The following ELAVL4 variants were observed in gnomAD, a reference collection of about 807,000 sequenced individuals.
The protein encoded by ELAVL4 is ELAV like RNA binding protein 4.
In ELAVL4, 1 loss-of-function variant was observed where a neutral mutation model predicts 35.6. That is an observed-to-expected ratio of 0.03 (90% confidence interval 0.01 to 0.13). ELAVL4 has a LOEUF of 0.13. Among genes scored for constraint, ELAVL4 ranks in the 10% least tolerant of loss-of-function variants. The pLI, the probability that ELAVL4 is intolerant of heterozygous loss-of-function variation, is 1.00. For missense variants in ELAVL4, 267 were observed against 464.9 expected, an observed-to-expected ratio of 0.57 and a Z score of 3.91; for synonymous variants, 156 against 171.0, an observed-to-expected ratio of 0.91 and a Z score of 0.69.
chr1:50,176,836 G>T (rs1484625871), intron 2 of ELAVL4, among the ~76,000 whole-genome samples: 1 of 152,206 alleles, frequency 6.6e-6, no homozygotes, highest in Non-Finnish European at 1.5e-5. Context: ...CTGTGCAGGG[G>T]CACTTACCCA....
chr1:50,151,482 C>T (rs184841333), intron 2 of ELAVL4, among the ~76,000 whole-genome samples: 94 of 152,176 alleles, frequency 6.2e-4, no homozygotes, highest in Non-Finnish European at 1.2e-3. Context: ...CTTTATTGTG[C>T]AGGCACTGTA....
At chr1:50,190,661 A>G (rs1426022249) in intron 3 of ELAVL4, among the ~76,000 whole-genome samples, 1 of 152,156 alleles carries the variant, frequency 6.6e-6, no homozygotes, top group Admixed American at 6.5e-5. Context: ...CCTAGCTGAG[A>G]TTCTACCTAT....
At chr1:50,105,277 GAA>G (rs951394458), upstream of ELAVL4, among the ~76,000 whole-genome samples, 12 of 152,132 alleles carry the variant, frequency 7.9e-5, no homozygotes, top group Admixed American at 6.5e-4. Context: ...TTGCTAAAGA[GAA>G]ATATTTTCAT....
chr1:50,098,950 C>T (rs1399615457), upstream of ELAVL4, among the ~76,000 whole-genome samples: 3 of 152,178 alleles, frequency 2.0e-5, no homozygotes, highest in African/African-American at 7.2e-5. Context: ...TGCCTGACCA[C>T]TGAAAGAAAA....
chr1:50,072,151 T>C (rs1466721030), intron 1 of ELAVL4, among the ~76,000 whole-genome samples: 1 of 152,168 alleles, frequency 6.6e-6, no homozygotes, highest in Non-Finnish European at 1.5e-5. Flanking sequence ...GTGCAGTGAG[T>C]AAGAATCTAG....
intron 1 of ELAVL4, among the ~76,000 whole-genome samples, chr1:50,127,213 C>T (rs770469763): frequency 4.6e-5 from 7 of 152,094 alleles, no homozygotes; most frequent in Non-Finnish European, 8.8e-5. Flanking sequence ...GATAGCTGAT[C>T]CATTCAGTGG....
At chr1:50,093,996 G>C (rs1665607856) in intron 1 of ELAVL4, among the ~76,000 whole-genome samples, 1 of 152,168 alleles carries the variant, frequency 6.6e-6, no homozygotes, top group Admixed American at 6.5e-5. Context: ...AACTAAGTGA[G>C]TAAATACATA....
At chr1:50,076,044 G>T (rs768563904) in intron 1 of ELAVL4, among the ~76,000 whole-genome samples, 6 of 152,124 alleles carry the variant, frequency 3.9e-5, no homozygotes, top group Non-Finnish European at 8.8e-5. Context: ...GGCCAGGCTG[G>T]CCTCAAACTC....
intron 1 of ELAVL4, among the ~76,000 whole-genome samples, chr1:50,091,420 T>C (rs778821037): frequency 2.6e-5 from 4 of 152,178 alleles, no homozygotes; most frequent in African/African-American, 7.2e-5. Context: ...ACAAGGCAGA[T>C]GTGGTAGGGA....
rs903557563 is a variant in ELAVL4 at position 50,108,991 on chromosome 1, C to A, written c.-199C>A. On this transcript the variant is annotated 5_prime_UTR_variant, in exon 1 of 7. Transcript: ENST00000371824. The stretch of plus-strand genomic sequence containing the variant: ...TAGAATCGGGGGTTTCAGCTCACTG[C>A]TCCTTTTCTTTTTTTTCTTTCTCTC... 7.6e-5 allele frequency: 96 copies of A among 1,259,078 alleles called. No individual in the cohort carries two copies. The highest frequency in any genetic ancestry group is 9.4e-5 in the Non-Finnish European group (94 of 1,002,246). 78.0% of individuals were successfully genotyped at this position (1,259,078 alleles called of 1,614,324 possible).
At chr1:50,154,941 T>C (rs1269802409) in intron 2 of ELAVL4, among the ~76,000 whole-genome samples, 1 of 152,102 alleles carries the variant, frequency 6.6e-6, no homozygotes, top group Non-Finnish European at 1.5e-5. Flanking sequence ...GGATATAGAA[T>C]GGTAAAAGGA....
intron 1 of ELAVL4, among the ~76,000 whole-genome samples, chr1:50,123,610 G>A (rs928957358): frequency 6.6e-6 from 1 of 151,990 alleles, no homozygotes; most frequent in Non-Finnish European, 1.5e-5. Flanking sequence ...TTCATCTGTG[G>A]CTCAGGACCA....
At chr1:50,198,080 C>T (rs910270546) in intron 6 of ELAVL4, among the ~76,000 whole-genome samples, 2 of 152,156 alleles carry the variant, frequency 1.3e-5, no homozygotes, top group Non-Finnish European at 2.9e-5. Context: ...TCTTTTGTTA[C>T]AGGTTTTAAC....
intron 1 of ELAVL4, among the ~76,000 whole-genome samples, chr1:50,121,342 G>C (rs1668998221): frequency 6.6e-6 from 1 of 152,110 alleles, no homozygotes; most frequent in East Asian, 1.9e-4. Context: ...AATAATATTA[G>C]TAAGTTACTA....
intron 3 of ELAVL4, among the ~76,000 whole-genome samples, chr1:50,179,241 A>G (rs966869092): frequency 4.6e-5 from 7 of 151,888 alleles, no homozygotes; most frequent in Admixed American, 4.6e-4. Context: ...CTTCTGAGAC[A>G]CTGTAGGATT....
intron 2 of ELAVL4, among the ~76,000 whole-genome samples, chr1:50,153,203 C>G (rs1345709864): frequency 2.0e-5 from 3 of 152,168 alleles, no homozygotes; most frequent in African/African-American, 7.2e-5. Flanking sequence ...TTCACCAAGG[C>G]CCAATCTTAC....
chr1:50,108,415 A>G (rs1666542780), upstream of ELAVL4, among the ~76,000 whole-genome samples: 1 of 152,216 alleles, frequency 6.6e-6, no homozygotes, highest in Admixed American at 6.5e-5. Flanking sequence ...TAAATTGTAG[A>G]TGAATTAGCA....
At chr1:50,200,671 C>A in intron 6 of ELAVL4, 180 bp from the exon 7 acceptor site, 1 of 1,269,240 alleles carries the variant, frequency 7.9e-7, no homozygotes, top group Non-Finnish European at 1.1e-6. Context: ...GCCAGTCAAG[C>A]CATTCCCATC....
chr1:50,095,951 A>G (rs547007284), intron 1 of ELAVL4, among the ~76,000 whole-genome samples: 7 of 152,270 alleles, frequency 4.6e-5, no homozygotes, highest in Non-Finnish European at 1.0e-4. Context: ...TCACTTGAAC[A>G]TTTCTAAGAG....
Sources: allele counts gnomAD v4.1 joint callset (sites outside exome capture counted in the v4.1 genomes callset), GRCh38; gene constraint gnomAD v4.1.1; transcripts MANE v1.5; gene names NCBI Gene and HGNC (gene_info 2026-07-23, HGNC 2026-07-21).